Variants in NOL4L observed in about 807,000 individuals in gnomAD.
The protein encoded by NOL4L is nucleolar protein 4 like.
Under a neutral mutation model 64.5 loss-of-function variants are expected in NOL4L, and 7 were observed. That is an observed-to-expected ratio of 0.11 (90% confidence interval 0.06 to 0.20). NOL4L has a LOEUF of 0.20. Among genes scored for constraint, NOL4L ranks in the 10% least tolerant of loss-of-function variants. The pLI is 1.00. For synonymous variants in NOL4L, 413 were observed against 401.0 expected (o/e 1.03, Z -0.36); for missense variants, 680 against 967.1 (o/e 0.70, Z 3.94).
At chr20:32,578,723 G>C (rs987041687) in intron 1 of NOL4L, among the ~76,000 whole-genome samples, 4 of 152,156 alleles carry the variant, frequency 2.6e-5, no homozygotes, top group African/African-American at 9.7e-5. Flanking sequence ...CCATTTTCCA[G>C]AAAAGGAAAC....
At chr20:32,458,489 C>G (rs552252630) in intron 5 of NOL4L, among the ~76,000 whole-genome samples, 14 of 152,324 alleles carry the variant, frequency 9.2e-5, no homozygotes, top group Non-Finnish European at 1.3e-4. Flanking sequence ...TCTGCCCCAC[C>G]AGGACAGACC....
Position 32,511,341 on chromosome 20 carries a change from C to T in NOL4L, c.699+6G>A, listed in dbSNP as rs965938919. On this transcript the variant is annotated splice_donor_region_variant and intron_variant, in intron 4 of 10. Transcript: ENST00000621426. ...CAGGTGGGGTGAGGGGAGACGGCCGCCTTACCTGCTCCTGGGAATTCATCA... is the reference window on the plus strand; with the variant it reads ...CAGGTGGGGTGAGGGGAGACGGCCGTCTTACCTGCTCCTGGGAATTCATCA... 1 of 1,545,136 alleles carries T rather than the reference C, an allele frequency of 6.5e-7. No homozygotes were observed. Among genetic ancestry groups the T allele is most frequent in the South Asian group, 1.2e-5 (1 of 83,900 alleles).
At chr20:32,465,147 G>A in intron 5 of NOL4L, 1 of 489,340 alleles carries the variant, frequency 2.0e-6, no homozygotes, top group Admixed American at 4.1e-5. Flanking sequence ...TCAGTGGAGG[G>A]GGAGGTGGAC....
chr20:32,502,223 G>A (rs2016948231), intron 4 of NOL4L, among the ~76,000 whole-genome samples: 1 of 152,194 alleles, frequency 6.6e-6, no homozygotes, highest in South Asian at 2.1e-4. Context: ...AAAGAAAAGA[G>A]GCTGTCCCTA....
intron 1 of NOL4L, among the ~76,000 whole-genome samples, chr20:32,554,043 A>G (rs906686954): frequency 3.2e-4 from 48 of 152,154 alleles, no homozygotes; most frequent in East Asian, 1.9e-4. Context: ...GGATGTGGCC[A>G]GGCGCGGTGG....
chr20:32,501,892 G>A (rs146743272), intron 4 of NOL4L, among the ~76,000 whole-genome samples: 45 of 152,278 alleles, frequency 3.0e-4, no homozygotes, highest in African/African-American at 9.6e-4. Flanking sequence ...TAACTCTGGG[G>A]AATCCGAAGA....
chr20:32,490,884 G>A (rs1297631995), intron 4 of NOL4L, among the ~76,000 whole-genome samples: 3 of 152,194 alleles, frequency 2.0e-5, no homozygotes, highest in South Asian at 2.1e-4. Flanking sequence ...CTGGTCTGGC[G>A]TTGGAGGCCC....
At chr20:32,533,556 T>C (rs993376952) in intron 1 of NOL4L, 1 of 152,198 alleles carries the variant, frequency 6.6e-6, no homozygotes, top group African/African-American at 2.4e-5. Context: ...TATATTAATA[T>C]TTTCATTTCC....
In NOL4L at chr20:32,520,757, A is replaced by G. The variant is rs2017901436; in HGVS notation, c.589+54T>C. 9 of 1,111,960 alleles carry G rather than the reference A, an allele frequency of 8.1e-6. 1 individual carries two copies. The South Asian group carries it at 1.1e-4, about 14-fold the overall frequency. 68.9% of individuals were successfully genotyped at this position (1,111,960 alleles called of 1,614,324 possible). On this transcript the variant is annotated intron_variant, in intron 3 of 10. Transcript: ENST00000621426. Reference sequence around the variant, plus strand: ...AGCAAAAGCTGGCGTCTTCAGGGACAGTCCACTCTTAGATGGCCCCCGCCC... The same window carrying G: ...AGCAAAAGCTGGCGTCTTCAGGGACGGTCCACTCTTAGATGGCCCCCGCCC...
At chr20:32,582,869 G>A (rs1980571990) in intron 1 of NOL4L, among the ~76,000 whole-genome samples, 1 of 152,202 alleles carries the variant, frequency 6.6e-6, no homozygotes, top group African/African-American at 2.4e-5. Context: ...TGGCAGGGTG[G>A]GGAGGGCTGA....
At chr20:32,540,168 T>C (rs6141747) in intron 1 of NOL4L, among the ~76,000 whole-genome samples, 27,998 of 152,126 alleles carry the variant, frequency 0.18, 4,573 homozygotes, top group African/African-American at 0.44. Flanking sequence ...TGTCCTGCCC[T>C]GAGGTAGCCT....
chr20:32,476,604 A>G (rs181394637), intron 4 of NOL4L, among the ~76,000 whole-genome samples: 22 of 152,168 alleles, frequency 1.4e-4, no homozygotes, highest in Non-Finnish European at 7.4e-5. Context: ...AGTGCCACCT[A>G]CTCCAAACTC....
intron 5 of NOL4L, among the ~76,000 whole-genome samples, chr20:32,462,434 G>A (rs2014155252): frequency 6.6e-6 from 1 of 152,138 alleles, no homozygotes; most frequent in Non-Finnish European, 1.5e-5. Context: ...GGAGGGGGTG[G>A]TGCCCACAGG....
intron 1 of NOL4L, among the ~76,000 whole-genome samples, chr20:32,571,631 C>T (rs533789750): frequency 3.3e-5 from 5 of 152,332 alleles, no homozygotes; most frequent in African/African-American, 9.6e-5. Context: ...CCCATGGCAC[C>T]GTTTCCTTCC....
chr20:32,572,473 T>C (rs1043477029), intron 1 of NOL4L: 1 of 152,204 alleles, frequency 6.6e-6, no homozygotes, highest in Non-Finnish European at 1.5e-5. Flanking sequence ...ATTTTACAGA[T>C]GTGAGAATGG....
In NOL4L at chr20:32,511,560, G is replaced by A. The variant is rs2017407138; in HGVS notation, c.590-104C>T. The A allele has an allele frequency of 8.1e-6, 6 of 739,436 alleles. No homozygotes were observed. In the East Asian group the frequency reaches 1.4e-4, roughly 17 times the overall value. 45.8% of individuals were successfully genotyped at this position (739,436 alleles called of 1,614,324 possible). On this transcript the variant is annotated intron_variant, in intron 3 of 10. Transcript: ENST00000621426. ...CGTGGAAGAGGAAGCCACCTTGGAG[G>A]AGAAGGGACAGGTCAGAGGTCGCAG... is the stretch of plus-strand genomic sequence containing the variant.
In NOL4L at chr20:32,576,642, G is replaced by A. The variant is rs112996892; in HGVS notation, c.321+7928C>T. Among the ~76,000 whole-genome samples the A allele has an allele frequency of 8.9e-3, 1,348 of 152,236 alleles. 14 individuals carry two copies. Among genetic ancestry groups the A allele is most frequent in the African/African-American group, 0.031 (1,303 of 41,532 alleles). On this transcript the variant is annotated intron_variant, in intron 1 of 10. Transcript: ENST00000621426. ...GGGTGGCCAAGAGGACTAGTGCTCC[G>A]GGATCCACAACCACGTGGGTGAGAG...
At chr20:32,522,262 A>G (rs888344267) in intron 2 of NOL4L, among the ~76,000 whole-genome samples, 3 of 152,196 alleles carry the variant, frequency 2.0e-5, no homozygotes, top group African/African-American at 4.8e-5. Flanking sequence ...CACAATTGTT[A>G]TTTCTCAGCT....
intron 4 of NOL4L, among the ~76,000 whole-genome samples, chr20:32,479,059 G>A (rs943813455): frequency 6.6e-6 from 1 of 152,266 alleles, no homozygotes; most frequent in Non-Finnish European, 1.5e-5. Context: ...GTCTGGCGCA[G>A]CACAGCCCAG....
Sources: allele counts gnomAD v4.1 joint callset (sites outside exome capture counted in the v4.1 genomes callset), GRCh38; gene constraint gnomAD v4.1.1; transcripts MANE v1.5; gene names NCBI Gene and HGNC (gene_info 2026-07-23, HGNC 2026-07-21).